Variants in TTLL11 observed in about 807,000 individuals in gnomAD.
TTLL11 encodes the protein tubulin tyrosine ligase like 11.
In TTLL11, 42 loss-of-function variants were observed where a neutral mutation model predicts 51.7. The ratio of observed to expected loss-of-function variants is 0.81; its 90% confidence interval spans 0.64 to 1.05. TTLL11 has a LOEUF of 1.05. Ranked by LOEUF, TTLL11 falls within the 50% of genes least tolerant of loss-of-function variation. TTLL11 has a pLI of 0.00. For synonymous variants in TTLL11, 381 were observed against 383.5 expected (o/e 0.99, Z 0.08); for missense variants, 799 against 940.4 (o/e 0.85, Z 1.97).
intron 1 of TTLL11, among the ~76,000 whole-genome samples, chr9:122,068,192 T>C (rs1375142773): frequency 6.6e-6 from 1 of 152,148 alleles, no homozygotes; most frequent in East Asian, 1.9e-4. Flanking sequence ...AATAGCTAAG[T>C]TATATTACTA....
intron 4 of TTLL11, among the ~76,000 whole-genome samples, chr9:121,975,845 A>T (rs1842695399): frequency 6.6e-6 from 1 of 152,194 alleles, no homozygotes; most frequent in Non-Finnish European, 1.5e-5. Context: ...CTTAGTTAAG[A>T]AGACAGGAAT....
intron 1 of TTLL11, among the ~76,000 whole-genome samples, chr9:122,043,191 A>T (rs1371753354): frequency 6.6e-6 from 1 of 152,136 alleles, no homozygotes; most frequent in Non-Finnish European, 1.5e-5. Flanking sequence ...GGTGGGGGAA[A>T]ATCTCTGCAC....
intron 6 of TTLL11, among the ~76,000 whole-genome samples, chr9:121,933,291 C>T (rs560320436): frequency 1.7e-4 from 26 of 152,154 alleles, no homozygotes; most frequent in African/African-American, 4.8e-4. Flanking sequence ...CGGGCTGTGA[C>T]GGTAAGAGCG....
intron 6 of TTLL11, among the ~76,000 whole-genome samples, chr9:121,918,291 G>A (rs1324013171): frequency 1.3e-5 from 2 of 152,206 alleles, no homozygotes; most frequent in Non-Finnish European, 2.9e-5. Context: ...GTAGAGCATT[G>A]ACCAGAGAAA....
intron 1 of TTLL11, among the ~76,000 whole-genome samples, chr9:122,090,178 G>T (rs1267117941): frequency 3.4e-5 from 5 of 147,604 alleles, no homozygotes; most frequent in Admixed American, 3.4e-4. Context: ...CCATTATGCG[G>T]CTACCGAAGT....
At chr9:122,038,461 G>A (rs985404086) in intron 2 of TTLL11, among the ~76,000 whole-genome samples, 2 of 152,040 alleles carry the variant, frequency 1.3e-5, no homozygotes, top group African/African-American at 2.4e-5. Context: ...CCTGGCCAAC[G>A]TGACATGGCA....
chr9:122,023,033 A>G lies in TTLL11; in HGVS notation c.693+8690T>C, dbSNP rs535607654. ...ACTATAGCTATTATGCCAACAAAGG[A>G]AATCAATAAAACTGAAAACTTCTAA... On this transcript the variant is annotated intron_variant, in intron 3 of 8. Transcript: ENST00000321582. Among the ~76,000 whole-genome samples the G allele has an allele frequency of 2.0e-5, 3 of 152,038 alleles. No homozygotes were observed. The South Asian group carries it at 6.2e-4, about 32-fold the overall frequency.
At chr9:121,852,270 CATACTTTATCACTAA>C (rs1837684398) in intron 8 of TTLL11, among the ~76,000 whole-genome samples, 1 of 152,184 alleles carries the variant, frequency 6.6e-6, no homozygotes, top group African/African-American at 2.4e-5. Context: ...GGGCCAGGTG[CATACTTTATCACTAA>C]ATCCTGACAG....
chr9:121,931,583 T>TAAAAAAAAA lies in TTLL11; in HGVS notation c.1481+42425_1481+42426insTTTTTTTTT, dbSNP rs1564311677. On this transcript the variant is annotated intron_variant, in intron 6 of 8. Coordinates refer to ENST00000321582, the MANE Select transcript of TTLL11 (RefSeq NM_001139442.2). ...CATGGTAAAACCCTGTTTCTACTATTTAAAAAAAAAAAAAAAAAAAAAGAA... is the reference window on the plus strand; with the variant it reads ...CATGGTAAAACCCTGTTTCTACTATTAAAAAAAAATAAAAAAAAAAAAAAAAAAAAAGAA... Among the ~76,000 whole-genome samples, 6 of 103,824 alleles carry TAAAAAAAAA rather than the reference T, an allele frequency of 5.8e-5. 1 individual carries two copies. Among genetic ancestry groups the TAAAAAAAAA allele is most frequent in the South Asian group, 3.3e-4 (1 of 2,986 alleles). The allele number at this position is 103,824 out of a possible 152,430, so 68.1% of individuals were successfully genotyped here.
chr9:121,855,843 C>T (rs576333179), intron 8 of TTLL11, among the ~76,000 whole-genome samples: 1 of 152,350 alleles, frequency 6.6e-6, no homozygotes, highest in East Asian at 1.9e-4. Flanking sequence ...ACAGAATGCA[C>T]AGTGGGTGGC....
chr9:122,031,809 T>C lies in TTLL11; in HGVS notation c.607A>G (p.Thr203Ala), dbSNP rs1207876693. ...RKITLSRAVR[T>A]MQNLFPEEYN... ...TCCTCAGGAAAGAGATTCTGCATGG[T>C]TCTCACTGCTCTGCTCAGAGTAATT... The change falls in exon 3 of 9, where the codon ACC becomes GCC. Residue 203 changes from threonine (T) to alanine (A), a missense_variant. By Grantham distance (58) the Thr-to-Ala change is moderately conservative. Around this residue, in one of 3 missense-constraint regions of TTLL11, gnomAD observed 468 missense variants for 612.8 expected, o/e 0.76. Coordinates refer to ENST00000321582, the MANE Select transcript of TTLL11 (RefSeq NM_001139442.2). 4 of 1,614,122 alleles carry C rather than the reference T, an allele frequency of 2.5e-6. No homozygotes were observed. The highest frequency in any genetic ancestry group is 3.4e-6 in the Non-Finnish European group (4 of 1,180,014).
chr9:122,032,820 A>G (rs1340443548), intron 2 of TTLL11, among the ~76,000 whole-genome samples: 1 of 147,356 alleles, frequency 6.8e-6, no homozygotes, highest in East Asian at 2.0e-4. Context: ...TTTGAAACAC[A>G]GCCTTGCTTT....
chr9:121,820,014 C>G lies in TTLL11; in HGVS notation c.*2573G>C, dbSNP rs1836529750. Among the ~76,000 whole-genome samples, 1 of 152,176 alleles carries G rather than the reference C, an allele frequency of 6.6e-6. No individual in the cohort carries two copies. The highest frequency in any genetic ancestry group is 1.5e-5 in the Non-Finnish European group (1 of 68,040). On this transcript the variant is annotated 3_prime_UTR_variant, in exon 9 of 9. Transcript: ENST00000321582. ...ATTTCCCTAACAATCAGCAGGGAGG[C>G]TCTGTGCCCTGCGGGTGGGTGGGGC...
intron 1 of TTLL11, among the ~76,000 whole-genome samples, chr9:122,075,771 T>C (rs2131904164): frequency 6.6e-6 from 1 of 152,280 alleles, no homozygotes; most frequent in Middle Eastern, 3.4e-3. Flanking sequence ...AAGAAAGCTA[T>C]GTTATCATGG....
chr9:122,010,642 T>G (rs1843768491), intron 3 of TTLL11, among the ~76,000 whole-genome samples: 2 of 152,224 alleles, frequency 1.3e-5, no homozygotes, highest in Non-Finnish European at 2.9e-5. Flanking sequence ...AAACAAGCAT[T>G]CAAATATAGT....
chr9:121,933,368 T>C (rs1315300372), intron 6 of TTLL11, among the ~76,000 whole-genome samples: 2 of 152,106 alleles, frequency 1.3e-5, no homozygotes, highest in Admixed American at 6.6e-5. Flanking sequence ...AGAAACTACA[T>C]GTGCCAAGGC....
intron 3 of TTLL11, among the ~76,000 whole-genome samples, chr9:122,004,792 G>T (rs544473843): frequency 3.3e-5 from 5 of 152,218 alleles, no homozygotes; most frequent in Non-Finnish European, 7.3e-5. Context: ...CCACGTTGGC[G>T]GAGGCCATGG....
Position 121,989,915 on chromosome 9 carries a change from G to C in TTLL11, c.694-145C>G. 6.8e-7 allele frequency: 1 copy of C among 1,463,320 alleles called. No individual in the cohort carries two copies. The highest frequency in any genetic ancestry group is 2.6e-5 in the Admixed American group (1 of 38,096). The allele number at this position is 1,463,320 out of a possible 1,614,324, so 90.6% of individuals were successfully genotyped here. A position where few individuals can be genotyped will look rare whatever the true frequency, so the allele number is the denominator to read the frequency against. Reference sequence around the variant, plus strand: ...GCAGGGGCTGAGCATCTTCCATGGAGATGACACTGCACAAGGTACTGAGAT... The same window carrying C: ...GCAGGGGCTGAGCATCTTCCATGGACATGACACTGCACAAGGTACTGAGAT... On this transcript the variant is annotated intron_variant, in intron 3 of 8. Transcript: ENST00000321582. This position sits in a 1 kb window ranked among gnomAD's most constrained non-coding sequence, Gnocchi z 4.2.
At chr9:121,891,138 C>T (rs4588928) in intron 6 of TTLL11, among the ~76,000 whole-genome samples, 74,983 of 152,038 alleles carry the variant, frequency 0.49, 18,624 homozygotes, top group South Asian at 0.59. Context: ...GTCCTTGAAC[C>T]CATCTCTAGC....
Sources: gnomAD v4.1 joint callset for allele counts (sites outside exome capture counted in the v4.1 genomes callset) on GRCh38, gnomAD v4.1.1 for gene constraint, gnomAD v4.1.1 regional missense constraint, Gnocchi (gnomAD v3.1) non-coding constraint, MANE v1.5 for transcripts, NCBI Gene and HGNC (gene_info 2026-07-23, HGNC 2026-07-21) for gene names.